NIPSNAP2: variants seen among roughly 807,000 people sequenced by gnomAD.
The protein encoded by NIPSNAP2 is nipsnap homolog 2, also known as protein NipSnap homolog 2.
Under a neutral mutation model 48.4 loss-of-function variants are expected in NIPSNAP2, and 42 were observed. That is an observed-to-expected ratio of 0.87 (90% CI 0.68 to 1.12). The LOEUF is 1.12. Among genes scored for constraint, NIPSNAP2 ranks in the 50% most tolerant of loss-of-function variants. The pLI, the probability that NIPSNAP2 is intolerant of heterozygous loss-of-function variation, is 0.00. For missense variants in NIPSNAP2, 314 were observed against 347.3 expected (o/e 0.90, Z 0.76); for synonymous variants, 158 against 126.6 (o/e 1.25, Z -1.67).
At chr7:55,972,582 G>A (rs1787036122) in intron 1 of NIPSNAP2, among the ~76,000 whole-genome samples, 1 of 151,520 alleles carries the variant, frequency 6.6e-6, no homozygotes, top group African/African-American at 2.4e-5. Flanking sequence ...ACAGGCATGC[G>A]CCACCATGCC....
At chr7:55,975,879 A>C (rs954729886) in intron 1 of NIPSNAP2, among the ~76,000 whole-genome samples, 6 of 152,156 alleles carry the variant, frequency 3.9e-5, no homozygotes, top group Admixed American at 3.9e-4. Flanking sequence ...TTCTACTAAA[A>C]ATACAAAAAT....
intron 3 of NIPSNAP2, chr7:55,979,630 T>C (rs1787171898): frequency 8.3e-6 from 3 of 360,536 alleles, no homozygotes; most frequent in South Asian, 6.5e-5. Context: ...TGACTACCTT[T>C]CTGGGCTCCA....
chr7:55,973,788 ATATTTG>A (rs1388002896), intron 1 of NIPSNAP2, among the ~76,000 whole-genome samples: 3 of 152,022 alleles, frequency 2.0e-5, no homozygotes, highest in East Asian at 1.9e-4. Flanking sequence ...CCCGGCCAAT[ATATTTG>A]TATTTGTAAG....
intron 1 of NIPSNAP2, among the ~76,000 whole-genome samples, chr7:55,971,411 G>A (rs1045125904): frequency 2.0e-5 from 3 of 152,140 alleles, no homozygotes; most frequent in African/African-American, 7.2e-5. Context: ...TACTAGCATT[G>A]TCACATCCCT....
At chr7:55,992,974 A>G (rs80045392) in intron 7 of NIPSNAP2, among the ~76,000 whole-genome samples, 1 of 150,114 alleles carries the variant, frequency 6.7e-6, no homozygotes, top group Non-Finnish European at 1.5e-5. Context: ...ATCACTAAAT[A>G]TTTTTTTTTT....
chr7:55,974,384 G>A (rs1188367920), intron 1 of NIPSNAP2, among the ~76,000 whole-genome samples: 3 of 152,078 alleles, frequency 2.0e-5, no homozygotes, highest in African/African-American at 7.2e-5. Context: ...TGAAATCCAT[G>A]TGTTCATTTC....
chr7:55,980,423 G>T (rs1436733340), intron 3 of NIPSNAP2: 1 of 152,354 alleles, frequency 6.6e-6, no homozygotes, highest in African/African-American at 2.4e-5. Context: ...TGGTCCTGTA[G>T]CCCCAGCATC....
chr7:55,997,377 C>T lies in NIPSNAP2; in HGVS notation c.724C>T (p.Leu242Phe), dbSNP rs771842081. Residue 242 changes from leucine to phenylalanine, a missense_variant, in exon 9 of 10, where the codon CTT (leucine) becomes TTT (phenylalanine). Around this residue, in one of 2 missense-constraint regions of NIPSNAP2, gnomAD observed 116 missense variants for 161.8 expected, o/e 0.72. Coordinates refer to ENST00000322090, the MANE Select transcript of NIPSNAP2 (RefSeq NM_001483.3). ...TGGTTATTTTTAAGCTTACAGGGAT[C>T]TTCAGACCAGGGAAGACATACGGAA... ...MVHHLWAYRD[L>F]QTREDIRNAA... 2.5e-6 allele frequency: 4 copies of T among 1,613,490 alleles called. No homozygotes were observed. The South Asian group carries it at 3.3e-5, about 13-fold the overall frequency.
chr7:55,975,558 G>A (rs34874704), intron 1 of NIPSNAP2, among the ~76,000 whole-genome samples: 6,865 of 152,196 alleles, frequency 0.045, 296 homozygotes, highest in East Asian at 0.22. Flanking sequence ...GAGATGGGGA[G>A]AGGGGTTGAT....
At chr7:55,996,000 G>C (rs1562769875) in intron 8 of NIPSNAP2, among the ~76,000 whole-genome samples, 1 of 152,104 alleles carries the variant, frequency 6.6e-6, no homozygotes, top group African/African-American at 2.4e-5. Flanking sequence ...TAATTAACAA[G>C]ATATTGGCTG....
At chr7:55,971,945 T>C (rs111906299) in intron 1 of NIPSNAP2, among the ~76,000 whole-genome samples, 20 of 152,274 alleles carry the variant, frequency 1.3e-4, no homozygotes, top group African/African-American at 4.8e-4. Context: ...TCCTAAGCTT[T>C]TACAATTTAT....
chr7:55,996,054 G>A (rs1324834137), intron 8 of NIPSNAP2, among the ~76,000 whole-genome samples: 13 of 152,152 alleles, frequency 8.5e-5, no homozygotes, highest in African/African-American at 2.4e-4. Flanking sequence ...TTGGGAGGCC[G>A]AGGCAGGTGG....
intron 1 of NIPSNAP2, 60 bp downstream of exon 1, chr7:55,964,761 G>A: frequency 2.2e-6 from 2 of 917,276 alleles, no homozygotes; most frequent in Non-Finnish European, 2.7e-6. Flanking sequence ...GGCGGAGGGC[G>A]CGGGTTTCCC....
At chr7:55,991,082 C>T (rs1304937113) in intron 7 of NIPSNAP2, among the ~76,000 whole-genome samples, 3 of 152,156 alleles carry the variant, frequency 2.0e-5, no homozygotes, top group South Asian at 4.1e-4. Flanking sequence ...TGAGCCACCG[C>T]GCTCGGCCCC....
rs755460002 is a variant in NIPSNAP2, at chr7:55,997,358, T to A, written c.713-8T>A. The A allele has an allele frequency of 6.2e-7, 1 of 1,608,784 alleles. No homozygotes were observed. Among genetic ancestry groups the A allele is most frequent in the Non-Finnish European group, 8.5e-7 (1 of 1,175,246 alleles). ...TAAGTCTTACTTCTCTGTGTGGTTA[T>A]TTTTAAGCTTACAGGGATCTTCAGA... On this transcript the variant is annotated splice_polypyrimidine_tract_variant and splice_region_variant and intron_variant, in intron 8 of 9. Transcript: ENST00000322090.
intron 5 of NIPSNAP2, among the ~76,000 whole-genome samples, chr7:55,983,284 T>G (rs965737852): frequency 6.6e-6 from 1 of 152,190 alleles, no homozygotes; most frequent in Non-Finnish European, 1.5e-5. Flanking sequence ...CCACCCTCCC[T>G]TCACTAGCAG....
At chr7:55,994,797 A>T in intron 7 of NIPSNAP2, 97 bp from the exon 8 acceptor site, 1 of 973,560 alleles carries the variant, frequency 1.0e-6, no homozygotes, top group Non-Finnish European at 1.6e-6. Flanking sequence ...TCTTCATTTT[A>T]AACAGCCTGC....
intron 7 of NIPSNAP2, among the ~76,000 whole-genome samples, chr7:55,988,554 G>T (rs1787378011): frequency 6.6e-6 from 1 of 152,128 alleles, no homozygotes; most frequent in African/African-American, 2.4e-5. Flanking sequence ...AAATAGTCTA[G>T]TAGTCCCTCA....
chr7:55,979,353 C>T (rs949636301), intron 3 of NIPSNAP2: 5 of 156,888 alleles, frequency 3.2e-5, no homozygotes, highest in Non-Finnish European at 7.1e-5. Flanking sequence ...CACTTCGTCT[C>T]CTGTCTCGGG....
Sources: allele counts gnomAD v4.1 joint callset (sites outside exome capture counted in the v4.1 genomes callset), GRCh38; gene constraint gnomAD v4.1.1; regional missense constraint gnomAD v4.1.1; transcripts MANE v1.5; gene names NCBI Gene and HGNC (gene_info 2026-07-23, HGNC 2026-07-21).